Variants in EFHC1 observed in about 807,000 individuals in gnomAD.
The protein encoded by EFHC1 is EF-hand domain-containing protein 1.
EFHC1 carries 53 observed loss-of-function variants against 69.9 expected under a neutral mutation model. The observed-to-expected ratio is 0.76, with a 90% CI of 0.61 to 0.95. The LOEUF is 0.95. Ranked by LOEUF, EFHC1 falls within the 40% of genes least tolerant of loss-of-function variation. The probability of loss-of-function intolerance (pLI) is 0.00; values close to 1 mark genes in which losing one functional copy is unlikely to be tolerated. For synonymous variants in EFHC1, 256 were observed against 278.4 expected (o/e 0.92, Z 0.80); for missense variants, 739 against 798.7 (o/e 0.93, Z 0.90).
intron 3 of EFHC1, 38 bp from the exon 4 acceptor site, chr6:52,452,650 C>T: frequency 6.2e-7 from 1 of 1,610,150 alleles, no homozygotes; most frequent in Non-Finnish European, 8.5e-7. Context: ...CTGAAAAGCT[C>T]CAAGAAAGAT....
chr6:52,482,791 T>G (rs1159938305), intron 9 of EFHC1: 1 of 398,500 alleles, frequency 2.5e-6, no homozygotes, highest in Non-Finnish European at 4.4e-6. Context: ...TAGGTTTGCC[T>G]TCACCAGTTT....
chr6:52,453,353 A>G (rs935257397), intron 4 of EFHC1: 67 of 1,287,098 alleles, frequency 5.2e-5, no homozygotes, highest in Admixed American at 9.2e-5. Flanking sequence ...CTCTGTTCCA[A>G]CCTTCCTAAT....
chr6:52,456,046 C>A (rs1412016479), intron 5 of EFHC1, among the ~76,000 whole-genome samples: 25 of 151,966 alleles, frequency 1.6e-4, no homozygotes, highest in Admixed American at 1.6e-3. Flanking sequence ...CACATAGCTG[C>A]ATTAGAATGA....
Position 52,492,348 on chromosome 6 carries a change from G to A in EFHC1, c.*7G>A, listed in dbSNP as rs1334151582. Reference sequence around the variant, plus strand: ...TCGTGCTTTCTCAAACTGACCTGCTGATGAGAAAATGCAAGACAATTTTTG... The same window carrying A: ...TCGTGCTTTCTCAAACTGACCTGCTAATGAGAAAATGCAAGACAATTTTTG... On this transcript the variant is annotated 3_prime_UTR_variant, in exon 11 of 11. Coordinates refer to ENST00000371068, the MANE Select transcript of EFHC1 (RefSeq NM_018100.4). 5 of 1,613,306 alleles carry A rather than the reference G, an allele frequency of 3.1e-6. No individual in the cohort carries two copies. The highest frequency in any genetic ancestry group is 4.2e-6 in the Non-Finnish European group (5 of 1,179,576).
chr6:52,458,711 T>C (rs895192790), intron 5 of EFHC1, among the ~76,000 whole-genome samples: 7 of 152,234 alleles, frequency 4.6e-5, no homozygotes, highest in Non-Finnish European at 7.3e-5. Flanking sequence ...GAAAACAGTT[T>C]GGAGATTTCT....
intron 9 of EFHC1, chr6:52,486,412 G>A (rs529287333): frequency 6.6e-6 from 1 of 152,246 alleles, no homozygotes; most frequent in Non-Finnish European, 1.5e-5. Flanking sequence ...GAATAGCATA[G>A]ATACATACAC....
chr6:52,456,944 G>A (rs1201894800), intron 5 of EFHC1, among the ~76,000 whole-genome samples: 1 of 152,036 alleles, frequency 6.6e-6, no homozygotes, highest in Non-Finnish European at 1.5e-5. Context: ...CAGTCATGAG[G>A]TACAGAAAAG....
At chr6:52,465,903 T>C (rs1765296864) in intron 6 of EFHC1, among the ~76,000 whole-genome samples, 1 of 149,004 alleles carries the variant, frequency 6.7e-6, no homozygotes, top group Non-Finnish European at 1.5e-5. Flanking sequence ...TATATGATAT[T>C]GGATATATAT....
intron 7 of EFHC1, among the ~76,000 whole-genome samples, chr6:52,472,070 C>T (rs951333776): frequency 6.6e-6 from 1 of 151,612 alleles, no homozygotes; most frequent in Non-Finnish European, 1.5e-5. Flanking sequence ...TTTTGAAAAG[C>T]ATTTGCTAAA....
intron 7 of EFHC1, among the ~76,000 whole-genome samples, chr6:52,469,779 A>G (rs1306865656): frequency 6.6e-6 from 1 of 152,232 alleles, no homozygotes; most frequent in East Asian, 1.9e-4. Context: ...AAATTGCTTA[A>G]TATTCAAACC....
chr6:52,445,000 T>A (rs1581823681), intron 3 of EFHC1, among the ~76,000 whole-genome samples: 1 of 152,236 alleles, frequency 6.6e-6, no homozygotes, highest in Middle Eastern at 3.4e-3. Flanking sequence ...ATTCAACTTC[T>A]TCCCAGTTTA....
At chr6:52,477,935 G>A (rs553428011) in intron 7 of EFHC1, among the ~76,000 whole-genome samples, 52 of 152,220 alleles carry the variant, frequency 3.4e-4, no homozygotes, top group African/African-American at 9.6e-4. Flanking sequence ...GGTATATACC[G>A]AAAGGACTAT....
intron 3 of EFHC1, among the ~76,000 whole-genome samples, chr6:52,452,462 G>A (rs549658245): frequency 6.6e-6 from 1 of 152,150 alleles, no homozygotes; most frequent in East Asian, 1.9e-4. Context: ...CATCAAACCA[G>A]TCTAACTTTT....
intron 3 of EFHC1, among the ~76,000 whole-genome samples, chr6:52,442,665 T>C (rs1764691731): frequency 6.6e-6 from 1 of 152,228 alleles, no homozygotes. Flanking sequence ...ATGGTGTATA[T>C]GTGCCACATT....
At chr6:52,471,895 A>G (rs1348621334) in intron 7 of EFHC1, among the ~76,000 whole-genome samples, 1 of 151,226 alleles carries the variant, frequency 6.6e-6, no homozygotes, top group Non-Finnish European at 1.5e-5. Context: ...ATAAATAACT[A>G]AATAATAAAA....
chr6:52,452,410 C>T (rs1171562276), intron 3 of EFHC1, among the ~76,000 whole-genome samples: 1 of 152,178 alleles, frequency 6.6e-6, no homozygotes, highest in Non-Finnish European at 1.5e-5. Flanking sequence ...AAGCAGTCTA[C>T]TCACTTCAGC....
At chr6:52,463,437 A>G (rs1306467074) in intron 5 of EFHC1, among the ~76,000 whole-genome samples, 1 of 152,216 alleles carries the variant, frequency 6.6e-6, no homozygotes, top group Non-Finnish European at 1.5e-5. Flanking sequence ...AAAATCCAGC[A>G]GATCCAGATA....
intron 7 of EFHC1, among the ~76,000 whole-genome samples, chr6:52,472,601 C>A (rs1391214079): frequency 1.3e-5 from 2 of 151,770 alleles, no homozygotes; most frequent in African/African-American, 2.4e-5. Context: ...GTGTTACATA[C>A]AAAAGATATG....
At chr6:52,490,114 C>T (rs1016482482) in intron 9 of EFHC1, 26 bp from the exon 10 acceptor site, 2 of 1,598,856 alleles carry the variant, frequency 1.3e-6, no homozygotes, top group African/African-American at 1.3e-5. Context: ...ATACCATGTG[C>T]AGTCATTTCC....
Sources: gnomAD v4.1 joint callset for allele counts (sites outside exome capture counted in the v4.1 genomes callset) on GRCh38, gnomAD v4.1.1 for gene constraint, MANE v1.5 for transcripts, NCBI Gene and HGNC (gene_info 2026-07-23, HGNC 2026-07-21) for gene names.